The following CUX2 variants were observed in gnomAD, a reference collection of about 807,000 sequenced individuals.
CUX2 encodes the protein cut like homeobox 2.
A neutral mutation model predicts 144.8 loss-of-function variants in CUX2; 40 were observed. The ratio of observed to expected loss-of-function variants is 0.28; its 90% CI spans 0.21 to 0.36. The LOEUF is 0.36. Ranked by LOEUF, CUX2 falls within the 10% of genes least tolerant of loss-of-function variation. CUX2 has a pLI of 1.00. For synonymous variants in CUX2, 827 were observed against 875.6 expected (o/e 0.94, Z 0.98); for missense variants, 1,615 against 1,994.0 (o/e 0.81, Z 3.62).
Position 111,320,377 on chromosome 12 carries a change from G to A in CUX2, c.2368G>A (p.Ala790Thr). 1 of 1,598,042 alleles carries A rather than the reference G, an allele frequency of 6.3e-7. No homozygotes were observed. Among genetic ancestry groups the A allele is most frequent in the Non-Finnish European group, 8.5e-7 (1 of 1,179,140 alleles). The change falls in exon 17 of 22, where the codon GCC becomes ACC. Residue 790 changes from alanine (A) to threonine (T), a missense_variant. By Grantham distance (58) the Ala-to-Thr change is moderately conservative (BLOSUM62 0). Around this residue, in one of 12 missense-constraint regions of CUX2, gnomAD observed 390 missense variants for 387.1 expected, o/e 1.01. Coordinates refer to ENST00000261726, the MANE Select transcript of CUX2 (RefSeq NM_015267.4). The surrounding 1 kb of genome is among the most constrained non-coding windows in gnomAD (Gnocchi z 8.1). The part of the protein sequence containing the change: ...GDAGYFDHHW[A>T]SDRGLLSRPY... ...CGCCGGCTACTTCGACCACCACTGG[G>A]CCTCCGACCGCGGCCTGCTCAGCCG...
chr12:111,256,786 G>A (rs1232572909), intron 3 of CUX2, among the ~76,000 whole-genome samples: 1 of 152,146 alleles, frequency 6.6e-6, no homozygotes, highest in Admixed American at 6.5e-5. Flanking sequence ...GTAGAACAGG[G>A]CCGGTCACAA....
At chr12:111,110,019 G>T (rs1284100712) in intron 1 of CUX2, among the ~76,000 whole-genome samples, 1 of 151,350 alleles carries the variant, frequency 6.6e-6, no homozygotes, top group African/African-American at 2.4e-5. Context: ...GGAACCACAG[G>T]TGCCCACCAC....
At chr12:111,231,090 A>G (rs978075292) in intron 3 of CUX2, among the ~76,000 whole-genome samples, 1 of 152,336 alleles carries the variant, frequency 6.6e-6, no homozygotes, top group Middle Eastern at 3.4e-3. Context: ...TTAAGTGTAC[A>G]GTTCAATGAG....
intron 1 of CUX2, among the ~76,000 whole-genome samples, chr12:111,104,382 G>A (rs558802953): frequency 1.3e-5 from 2 of 152,296 alleles, no homozygotes; most frequent in South Asian, 4.1e-4. Context: ...GAGGTTTGTG[G>A]GCTAACAAAG....
chr12:111,229,573 G>A (rs1007582121), intron 3 of CUX2, among the ~76,000 whole-genome samples: 2 of 152,158 alleles, frequency 1.3e-5, no homozygotes, highest in Non-Finnish European at 2.9e-5. Flanking sequence ...ATCCTGGGGG[G>A]ATGGGTGAAG....
Position 111,307,299 on chromosome 12 carries a change from C to A in CUX2, c.1109+42C>A, listed in dbSNP as rs762321026. On this transcript the variant is annotated intron_variant, in intron 12 of 21. Transcript: ENST00000261726. This position sits in a 1 kb window ranked among gnomAD's most constrained non-coding sequence, Gnocchi z 4.1. ...GGCTCCACAGACCCTCAGTGCTCTT[C>A]CCTGGCCAGGAGCTCTTGGCAAAGT... is the stretch of plus-strand genomic sequence containing the variant. The A allele has an allele frequency of 4.4e-6, 7 of 1,586,728 alleles. No individual in the cohort carries two copies. The highest frequency in any genetic ancestry group is 6.0e-6 in the Non-Finnish European group (7 of 1,159,226).
chr12:111,325,695 G>A (rs1313076208), intron 18 of CUX2, among the ~76,000 whole-genome samples: 1 of 39,518 alleles, frequency 2.5e-5, no homozygotes, highest in South Asian at 1.3e-3. Context: ...TAGTGTTGTG[G>A]TGGGGGAGGG....
intron 3 of CUX2, among the ~76,000 whole-genome samples, chr12:111,248,029 C>T (rs1883363814): frequency 6.6e-6 from 1 of 152,180 alleles, no homozygotes; most frequent in Admixed American, 6.5e-5. Flanking sequence ...CCTCAGCAAC[C>T]GAAGTACAGG....
chr12:111,298,555 G>A lies in CUX2; in HGVS notation c.719G>A (p.Gly240Asp). 1 of 1,579,948 alleles carries A rather than the reference G, an allele frequency of 6.3e-7. No homozygotes were observed. The highest frequency in any genetic ancestry group is 1.8e-5 in the Admixed American group (1 of 54,988). The change falls in exon 9 of 22, where the codon GGC becomes GAC. Residue 240 changes from glycine to aspartate, a missense_variant. Physicochemically the swap from Gly to Asp is moderately conservative, Grantham distance 94. This residue lies in a region of CUX2 where 295 missense variants were observed against 400.2 expected (regional missense o/e 0.74). Transcript: ENST00000261726. ...TTGTGTCTCAGGGCAGATGAAGTCG[G>A]CCTGATCATGACCAACCTGGAGAAA... ...EEAASKADEV[G>D]LIMTNLEKAN...
intron 1 of CUX2, among the ~76,000 whole-genome samples, chr12:111,081,304 T>G (rs1200585197): frequency 2.0e-5 from 3 of 152,230 alleles, no homozygotes. Context: ...TTTTATTGTC[T>G]TTTTAAGTAT....
intron 1 of CUX2, among the ~76,000 whole-genome samples, chr12:111,089,477 G>A (rs1358560290): frequency 6.6e-6 from 1 of 152,208 alleles, no homozygotes; most frequent in African/African-American, 2.4e-5. Context: ...GAGCTGAGAG[G>A]AGCAAAGCCT....
At chr12:111,104,985 C>G (rs1347989513) in intron 1 of CUX2, among the ~76,000 whole-genome samples, 1 of 152,128 alleles carries the variant, frequency 6.6e-6, no homozygotes, top group African/African-American at 2.4e-5. Flanking sequence ...TGGTTCTACC[C>G]GAAACACTCT....
intron 1 of CUX2, among the ~76,000 whole-genome samples, chr12:111,200,112 G>A (rs1179539592): frequency 3.3e-5 from 5 of 152,058 alleles, no homozygotes; most frequent in African/African-American, 1.2e-4. Flanking sequence ...GTTGTTTTGG[G>A]AAGTGGCTTT....
Position 111,034,456 on chromosome 12 carries a change from C to G in CUX2, c.63+216C>G, listed in dbSNP as rs1869314608. Among the ~76,000 whole-genome samples, 1 of 151,632 alleles carries G rather than the reference C, an allele frequency of 6.6e-6. No individual in the cohort carries two copies. The highest frequency in any genetic ancestry group is 1.5e-5 in the Non-Finnish European group (1 of 67,874). ...TTCGGTTCAGTCATCGATTAGCTGC[C>G]GCGACCATGGAGAAGCGCTAGTGAG... On this transcript the variant is annotated intron_variant, in intron 1 of 21. Coordinates refer to ENST00000261726, the MANE Select transcript of CUX2 (RefSeq NM_015267.4). This position sits in a 1 kb window ranked among gnomAD's most constrained non-coding sequence, Gnocchi z 4.2.
chr12:111,081,849 C>T (rs747165226), intron 1 of CUX2, among the ~76,000 whole-genome samples: 1 of 152,132 alleles, frequency 6.6e-6, no homozygotes, highest in Non-Finnish European at 1.5e-5. Flanking sequence ...CTGGTGACTG[C>T]ATCTCTGTTT....
Position 111,237,918 on chromosome 12 carries a change from TG to T in CUX2, c.222+19986del, listed in dbSNP as rs748679495. Among the ~76,000 whole-genome samples, 7 of 152,174 alleles carry T rather than the reference TG, an allele frequency of 4.6e-5. No individual in the cohort carries two copies. In the East Asian group the frequency reaches 5.8e-4, roughly 13 times the overall value. On this transcript the variant is annotated intron_variant, in intron 3 of 21. Coordinates refer to ENST00000261726, the MANE Select transcript of CUX2 (RefSeq NM_015267.4). ...CTTTGGACTGGATGATTCCTTGTGGTGGGGGTGCCCTGTACATTGTAGGATG... is the reference window on the plus strand; with the variant it reads ...CTTTGGACTGGATGATTCCTTGTGGTGGGGTGCCCTGTACATTGTAGGATG...
intron 1 of CUX2, among the ~76,000 whole-genome samples, chr12:111,175,144 C>G (rs945728893): frequency 9.2e-5 from 14 of 152,132 alleles, no homozygotes; most frequent in African/African-American, 3.1e-4. Flanking sequence ...TTTTATAGAG[C>G]AGCTGAGTTT....
intron 1 of CUX2, among the ~76,000 whole-genome samples, chr12:111,188,750 T>G (rs113616645): frequency 2.0e-4 from 31 of 152,202 alleles, no homozygotes; most frequent in African/African-American, 7.5e-4. Context: ...TCACCCCTCT[T>G]GTCACGGCAG....
intron 3 of CUX2, among the ~76,000 whole-genome samples, chr12:111,229,487 G>T (rs560436682): frequency 2.1e-4 from 32 of 152,320 alleles, no homozygotes; most frequent in African/African-American, 7.7e-4. Context: ...GAGAAAGATG[G>T]GCCCAGGTCA....
Sources: allele counts gnomAD v4.1 joint callset (sites outside exome capture counted in the v4.1 genomes callset), GRCh38; gene constraint gnomAD v4.1.1; regional missense constraint gnomAD v4.1.1; non-coding constraint Gnocchi (gnomAD v3.1); transcripts MANE v1.5; gene names NCBI Gene and HGNC (gene_info 2026-07-23, HGNC 2026-07-21).